The following ARB2A variants were observed in gnomAD, a reference collection of about 807,000 sequenced individuals.
The protein encoded by ARB2A is cotranscriptional regulator ARB2A.
At chr5:93,830,435 T>C in the ARB2A span, among the ~76,000 whole-genome samples, 1 of 150,412 alleles carries the variant, frequency 6.6e-6, no homozygotes, top group African/African-American at 2.4e-5. Flanking sequence ...GCCATGATCC[T>C]GGCCTTTAAT....
At chr5:93,808,548 G>T in the ARB2A span, among the ~76,000 whole-genome samples, 8 of 151,884 alleles carry the variant, frequency 5.3e-5, no homozygotes, top group Admixed American at 3.3e-4. Flanking sequence ...ATTCTCTATA[G>T]TGTTTAATGT....
chr5:93,796,051 C>T, the ARB2A span, among the ~76,000 whole-genome samples: 1 of 152,096 alleles, frequency 6.6e-6, no homozygotes, highest in African/African-American at 2.4e-5. Flanking sequence ...TAGCATCTGG[C>T]GTAATACGCT....
the ARB2A span, among the ~76,000 whole-genome samples, chr5:93,731,353 G>A: frequency 4.6e-5 from 7 of 152,068 alleles, no homozygotes; most frequent in East Asian, 1.9e-4. Flanking sequence ...AAGATACAGC[G>A]AGAATACAGC....
chr5:93,906,526 A>G, the ARB2A span, among the ~76,000 whole-genome samples: 1 of 151,602 alleles, frequency 6.6e-6, no homozygotes, highest in African/African-American at 2.4e-5. Context: ...ATTTGTAAAA[A>G]TATTGAGTGT....
At chr5:93,727,326 G>A in the ARB2A span, among the ~76,000 whole-genome samples, 2 of 151,824 alleles carry the variant, frequency 1.3e-5, no homozygotes, top group Non-Finnish European at 2.9e-5. Context: ...AATTCATTCT[G>A]GAAAAGCATT....
At chr5:93,678,507 G>A in the ARB2A span, among the ~76,000 whole-genome samples, 27 of 152,170 alleles carry the variant, frequency 1.8e-4, no homozygotes, top group Admixed American at 1.7e-3. Flanking sequence ...TGTAATCCCA[G>A]CACTCTGGGA....
chr5:93,918,833 T>C, the ARB2A span, among the ~76,000 whole-genome samples: 4 of 152,328 alleles, frequency 2.6e-5, no homozygotes, highest in East Asian at 7.7e-4. Context: ...CCTGATTCTA[T>C]GAAACAGTGA....
chr5:93,830,311 G>GTGTATATATATATATATA, the ARB2A span, among the ~76,000 whole-genome samples: 1 of 82,260 alleles, frequency 1.2e-5, no homozygotes. Flanking sequence ...GTGTGTGTGT[G>GTGTATATATATATATATA]TATATATATA....
At chr5:93,996,110 A>C in the ARB2A span, among the ~76,000 whole-genome samples, 1 of 152,042 alleles carries the variant, frequency 6.6e-6, no homozygotes, top group Non-Finnish European at 1.5e-5. Flanking sequence ...ATCACTTCTG[A>C]AATTATTCAG....
chr5:94,060,992 A>G, the ARB2A span, among the ~76,000 whole-genome samples: 2 of 152,188 alleles, frequency 1.3e-5, no homozygotes, highest in African/African-American at 4.8e-5. Flanking sequence ...TAATCCCAGC[A>G]CTTTCGGAGG....
chr5:93,872,640 A>G, the ARB2A span, among the ~76,000 whole-genome samples: 1 of 152,092 alleles, frequency 6.6e-6, no homozygotes, highest in South Asian at 2.1e-4. Flanking sequence ...ATAATTGGCC[A>G]GGCGCGGTGG....
chr5:94,064,071 G>T, the ARB2A span, among the ~76,000 whole-genome samples: 4 of 151,504 alleles, frequency 2.6e-5, no homozygotes, highest in Non-Finnish European at 4.4e-5. Context: ...AAGATACAAG[G>T]GAATACAAAA....
At chr5:93,933,691 T>C in the ARB2A span, among the ~76,000 whole-genome samples, 4 of 151,816 alleles carry the variant, frequency 2.6e-5, no homozygotes, top group African/African-American at 9.7e-5. Flanking sequence ...TTAGGAGAAA[T>C]ACCTAATGCA....
chr5:93,751,601 C>A, the ARB2A span, among the ~76,000 whole-genome samples: 2 of 152,126 alleles, frequency 1.3e-5, 1 homozygote, highest in African/African-American at 4.8e-5. Flanking sequence ...TGATAATCAA[C>A]TCTGAACATC....
the ARB2A span, among the ~76,000 whole-genome samples, chr5:93,765,640 A>C: frequency 1.2e-3 from 185 of 152,334 alleles, 1 homozygote; most frequent in African/African-American, 4.3e-3. Context: ...TTATAGATTC[A>C]ATGCCATCCC....
chr5:93,703,483 C>T, the ARB2A span, among the ~76,000 whole-genome samples: 1 of 152,202 alleles, frequency 6.6e-6, no homozygotes, highest in Non-Finnish European at 1.5e-5. Flanking sequence ...CCCTTCTTAC[C>T]TTCACACATT....
chr5:93,786,858 G>T, the ARB2A span, among the ~76,000 whole-genome samples: 1 of 152,130 alleles, frequency 6.6e-6, no homozygotes, highest in Non-Finnish European at 1.5e-5. Flanking sequence ...TTGCTTAAGA[G>T]ACAGACCTTA....
the ARB2A span, among the ~76,000 whole-genome samples, chr5:93,818,308 T>G: frequency 6.6e-6 from 1 of 152,266 alleles, no homozygotes; most frequent in East Asian, 1.9e-4. Context: ...ATAAAAATGT[T>G]GTAAAATTAG....
At chr5:93,822,479 G>A in the ARB2A span, among the ~76,000 whole-genome samples, 1 of 152,216 alleles carries the variant, frequency 6.6e-6, no homozygotes, top group African/African-American at 2.4e-5. Context: ...GGGAATTTAT[G>A]TTTTATAGAA....
Sources: gnomAD v4.1 joint callset for allele counts (sites outside exome capture counted in the v4.1 genomes callset) on GRCh38, gnomAD v4.1.1 for gene constraint, MANE v1.5 for transcripts, NCBI Gene and HGNC (gene_info 2026-07-23, HGNC 2026-07-21) for gene names.